Variants in SYT16 observed in about 807,000 individuals in gnomAD.
SYT16 encodes synaptotagmin 16, also known as synaptotagmin-16.
A neutral mutation model predicts 61.4 loss-of-function variants in SYT16; 42 were observed. The ratio of observed to expected loss-of-function variants is 0.68; its 90% CI spans 0.53 to 0.89. The LOEUF (loss-of-function observed/expected upper bound fraction) is 0.89. SYT16 is among the 40% of genes least tolerant of loss of function. The pLI, the probability that SYT16 is intolerant of heterozygous loss-of-function variation, is 0.00. For synonymous variants in SYT16, 314 were observed against 302.3 expected (o/e 1.04, Z -0.40); for missense variants, 804 against 807.3 (o/e 1.00, Z 0.05).
intron 3 of SYT16, among the ~76,000 whole-genome samples, chr14:62,025,989 T>C (rs139399277): frequency 9.8e-4 from 149 of 152,332 alleles, no homozygotes; most frequent in African/African-American, 3.1e-3. Context: ...GTAAACCTTA[T>C]TTGGTTATGT....
At chr14:62,097,314 A>G (rs1023355236) in intron 7 of SYT16, among the ~76,000 whole-genome samples, 6 of 152,318 alleles carry the variant, frequency 3.9e-5, no homozygotes, top group Admixed American at 2.0e-4. Flanking sequence ...TAAAGATACT[A>G]TAAAGCTTTC....
intron 3 of SYT16, among the ~76,000 whole-genome samples, chr14:62,058,500 A>T (rs938898785): frequency 9.2e-5 from 14 of 151,672 alleles, no homozygotes; most frequent in Non-Finnish European, 1.5e-5. Context: ...AGTAGCTGGG[A>T]TTAGAGGCAT....
intron 7 of SYT16, among the ~76,000 whole-genome samples, chr14:62,090,113 A>G (rs1342836932): frequency 6.6e-6 from 1 of 152,206 alleles, no homozygotes; most frequent in Non-Finnish European, 1.5e-5. Context: ...AAAGTTAGGT[A>G]TTGTGTTGAC....
intron 1 of SYT16, among the ~76,000 whole-genome samples, chr14:61,878,594 T>C (rs1265694135): frequency 1.3e-5 from 2 of 152,216 alleles, no homozygotes; most frequent in Non-Finnish European, 2.9e-5. Context: ...GGACTTTGAT[T>C]TGAGAAAAGA....
At chr14:61,871,372 C>A (rs1272418206) in intron 1 of SYT16, among the ~76,000 whole-genome samples, 1 of 152,104 alleles carries the variant, frequency 6.6e-6, no homozygotes, top group South Asian at 2.1e-4. Flanking sequence ...CAAAGGAAAT[C>A]CTGTCTGTGA....
chr14:61,978,369 A>G (rs938576438), intron 2 of SYT16, among the ~76,000 whole-genome samples: 2 of 152,216 alleles, frequency 1.3e-5, no homozygotes, highest in African/African-American at 4.8e-5. Context: ...AACTGGGGTT[A>G]TAATGATTCT....
chr14:62,041,517 T>A (rs1595235289), intron 3 of SYT16, among the ~76,000 whole-genome samples: 1 of 152,182 alleles, frequency 6.6e-6, no homozygotes, highest in African/African-American at 2.4e-5. Context: ...GCCATTTTTT[T>A]ATTTTTTGAG....
intron 1 of SYT16, among the ~76,000 whole-genome samples, chr14:61,890,790 G>A (rs909948645): frequency 6.6e-6 from 1 of 152,186 alleles, no homozygotes; most frequent in African/African-American, 2.4e-5. Context: ...GTGGTTCTGT[G>A]AGTGAATGGG....
intron 5 of SYT16, among the ~76,000 whole-genome samples, chr14:62,080,149 G>T (rs2056655815): frequency 1.3e-5 from 2 of 152,154 alleles, no homozygotes; most frequent in African/African-American, 4.8e-5. Flanking sequence ...TTACTAAAGG[G>T]CTGTGGAGGT....
chr14:62,059,220 A>C (rs985016307), intron 3 of SYT16, among the ~76,000 whole-genome samples: 2 of 152,018 alleles, frequency 1.3e-5, no homozygotes, highest in African/African-American at 4.8e-5. Flanking sequence ...CCCTGAACTT[A>C]AAAGTTAAAA....
In SYT16 at chr14:62,106,043, G is replaced by A. The variant is rs905626380; in HGVS notation, c.*5336G>A. 6.6e-5 allele frequency: 10 copies of A among 152,176 alleles called. No individual in the cohort carries two copies. Among genetic ancestry groups the A allele is most frequent in the African/African-American group, 2.4e-4 (10 of 41,444 alleles). The allele number at this position is 152,176 out of a possible 1,614,324, so 9.4% of individuals were successfully genotyped here. A position where few individuals can be genotyped will look rare whatever the true frequency, so the allele number is the denominator to read the frequency against. On this transcript the variant is annotated 3_prime_UTR_variant, in exon 8 of 8. Transcript: ENST00000683842. ...TCCAAAAGTTCTAACCAGGGGGATGGTGCACACTTTCTCTTCTTGACCACA... is the reference window on the plus strand; with the variant it reads ...TCCAAAAGTTCTAACCAGGGGGATGATGCACACTTTCTCTTCTTGACCACA...
chr14:62,052,728 C>T (rs1595281665), intron 3 of SYT16, among the ~76,000 whole-genome samples: 1 of 152,090 alleles, frequency 6.6e-6, no homozygotes, highest in South Asian at 2.1e-4. Flanking sequence ...GGGATTAGTG[C>T]CTTCATAAGA....
intron 1 of SYT16, among the ~76,000 whole-genome samples, chr14:61,869,114 G>T (rs2047248410): frequency 6.6e-6 from 1 of 151,992 alleles, no homozygotes; most frequent in African/African-American, 2.4e-5. Context: ...GTTAGTTTTA[G>T]TGTGGTTTAT....
chr14:62,061,324 T>C (rs537430546), intron 3 of SYT16, among the ~76,000 whole-genome samples: 3 of 152,158 alleles, frequency 2.0e-5, no homozygotes, highest in South Asian at 2.1e-4. Flanking sequence ...CATAAAGTAG[T>C]AAGAGCAACT....
intron 3 of SYT16, among the ~76,000 whole-genome samples, chr14:62,008,948 TGGA>T (rs1369837554): frequency 6.6e-6 from 1 of 152,170 alleles, no homozygotes; most frequent in Non-Finnish European, 1.5e-5. Context: ...GCACATATAC[TGGA>T]GTTTATTTAG....
intron 1 of SYT16, among the ~76,000 whole-genome samples, chr14:61,877,959 G>A (rs941030794): frequency 6.6e-6 from 1 of 152,086 alleles, no homozygotes; most frequent in African/African-American, 2.4e-5. Flanking sequence ...AGGCACACAG[G>A]CACACACTGC....
rs1204203928 is a variant in SYT16 at position 62,101,748 on chromosome 14, A to AT, written c.*1045dup. The AT allele has an allele frequency of 1.3e-5, 2 of 152,162 alleles. No homozygotes were observed. The highest frequency in any genetic ancestry group is 2.9e-5 in the Non-Finnish European group (2 of 68,028). 9.4% of individuals were successfully genotyped at this position (152,162 alleles called of 1,614,324 possible). The stretch of plus-strand genomic sequence containing the variant: ...TTATAACACCTGTGAATGGAGAAAT[A>AT]TTTTCAGCTTGTGTGGAATGACATT... On this transcript the variant is annotated 3_prime_UTR_variant, in exon 8 of 8. Transcript: ENST00000683842.
chr14:62,055,914 C>T (rs1328305894), intron 3 of SYT16, among the ~76,000 whole-genome samples: 1 of 152,156 alleles, frequency 6.6e-6, no homozygotes, highest in Admixed American at 6.5e-5. Flanking sequence ...ACAGAGCAGC[C>T]TCAGTCTGTG....
intron 1 of SYT16, among the ~76,000 whole-genome samples, chr14:61,824,749 A>C (rs1445701040): frequency 6.6e-6 from 1 of 152,186 alleles, no homozygotes; most frequent in East Asian, 1.9e-4. Context: ...AGCAGTTCCC[A>C]GAGTGTGAAC....
Sources: gnomAD v4.1 joint callset for allele counts (sites outside exome capture counted in the v4.1 genomes callset) on GRCh38, gnomAD v4.1.1 for gene constraint, MANE v1.5 for transcripts, NCBI Gene and HGNC (gene_info 2026-07-23, HGNC 2026-07-21) for gene names.